Variants in HSDL2 observed in about 807,000 individuals in gnomAD.
HSDL2 encodes the protein hydroxysteroid dehydrogenase like 2.
A neutral mutation model predicts 46.3 loss-of-function variants in HSDL2; 27 were observed. That is an observed-to-expected ratio of 0.58 (90% confidence interval 0.43 to 0.80). The LOEUF (loss-of-function observed/expected upper bound fraction) is 0.80, where lower values mean the gene tolerates loss of function less well. Ranked by LOEUF, HSDL2 falls within the 30% of genes least tolerant of loss-of-function variation. The pLI, the probability that HSDL2 is intolerant of heterozygous loss-of-function variation, is 0.00. For missense variants in HSDL2, 451 were observed against 502.7 expected (o/e 0.90, Z 0.98); for synonymous variants, 153 against 163.6 (o/e 0.94, Z 0.50).
intron 4 of HSDL2, among the ~76,000 whole-genome samples, chr9:112,413,513 AG>A (rs1831925983): frequency 2.2e-5 from 3 of 138,830 alleles, no homozygotes; most frequent in African/African-American, 7.9e-5. Flanking sequence ...AGAAAAGAAA[AG>A]AAATATTTCT....
At chr9:112,433,550 G>A (rs1832454243) in intron 6 of HSDL2, among the ~76,000 whole-genome samples, 1 of 152,202 alleles carries the variant, frequency 6.6e-6, no homozygotes, top group Admixed American at 6.5e-5. Flanking sequence ...GGTTTAGGAA[G>A]TTTAATCTGG....
intron 1 of HSDL2, among the ~76,000 whole-genome samples, chr9:112,389,292 G>C (rs1282640110): frequency 6.6e-6 from 1 of 152,144 alleles, no homozygotes; most frequent in East Asian, 1.9e-4. Flanking sequence ...AAATTGCTGG[G>C]ATTATAGGCA....
intron 4 of HSDL2, among the ~76,000 whole-genome samples, chr9:112,416,123 G>C (rs1831985515): frequency 6.7e-6 from 1 of 148,370 alleles, no homozygotes; most frequent in South Asian, 2.1e-4. Flanking sequence ...AAAAAAAAGT[G>C]GATTGGCCCG....
chr9:112,443,096 T>G (rs1329116690), intron 8 of HSDL2, among the ~76,000 whole-genome samples: 2 of 152,164 alleles, frequency 1.3e-5, no homozygotes, highest in African/African-American at 4.8e-5. Flanking sequence ...CTAGAGAGCT[T>G]ATCAAACTCT....
intron 6 of HSDL2, among the ~76,000 whole-genome samples, chr9:112,425,652 T>C (rs1394169088): frequency 6.6e-6 from 1 of 152,232 alleles, no homozygotes; most frequent in East Asian, 1.9e-4. Context: ...AATTTTCTTA[T>C]TAGCATACTT....
At chr9:112,458,707 C>T (rs1205581682) in intron 9 of HSDL2, among the ~76,000 whole-genome samples, 1 of 152,010 alleles carries the variant, frequency 6.6e-6, no homozygotes, top group East Asian at 1.9e-4. Flanking sequence ...ACCTGCCGGG[C>T]ACGGTATCTC....
chr9:112,398,598 G>A (rs1831516069), intron 1 of HSDL2, among the ~76,000 whole-genome samples: 1 of 152,012 alleles, frequency 6.6e-6, no homozygotes, highest in Non-Finnish European at 1.5e-5. Flanking sequence ...AACGGGAGAG[G>A]AAACCTGAGG....
intron 5 of HSDL2, among the ~76,000 whole-genome samples, chr9:112,417,290 A>G (rs1229792002): frequency 6.6e-6 from 1 of 152,104 alleles, no homozygotes; most frequent in African/African-American, 2.4e-5. Context: ...TAATTTATTC[A>G]TCTATAAAGT....
At position 112,405,687 on chromosome 9, in the gene HSDL2, G is replaced by C; in HGVS notation, c.245G>C (p.Ser82Thr). 6.2e-7 allele frequency: 1 copy of C among 1,612,778 alleles called. No homozygotes were observed. Among genetic ancestry groups the C allele is most frequent in the Non-Finnish European group, 8.5e-7 (1 of 1,179,292 alleles). Residue 82 changes from serine (S) to threonine (T), a missense_variant, in exon 3 of 11, where the codon AGT becomes ACT. By Grantham distance (58) the Ser-to-Thr change is moderately conservative. Coordinates refer to ENST00000398805, the MANE Select transcript of HSDL2 (RefSeq NM_032303.5). Reference protein sequence around the residue: ...IVDVRDEQQISAAVEKAIKKF... With the variant: ...IVDVRDEQQITAAVEKAIKKF... Reference sequence around the variant, plus strand: ...GATGTGAGAGATGAACAGCAGATCAGTGCTGCAGTGGAGAAAGCCATCAAG... The same window carrying C: ...GATGTGAGAGATGAACAGCAGATCACTGCTGCAGTGGAGAAAGCCATCAAG...
rs1311383208 is a variant in HSDL2 at position 112,408,053 on chromosome 9, AAAAC to A, written c.281-850_281-847del. 4.6e-5 allele frequency among the ~76,000 whole-genome samples: 7 copies of A among 152,292 alleles called. No individual in the cohort carries two copies. In the East Asian group the frequency reaches 1.3e-3, roughly 29 times the overall value. On this transcript the variant is annotated intron_variant, in intron 3 of 10. Coordinates refer to ENST00000398805, the MANE Select transcript of HSDL2 (RefSeq NM_032303.5). ...TTTTTGTGTGTGTGTATGAGTCACT[AAAAC>A]AAAATTGATCCACTTTGATGATCTG... is the stretch of plus-strand genomic sequence containing the variant.
intron 6 of HSDL2, among the ~76,000 whole-genome samples, chr9:112,421,664 G>A (rs1271663441): frequency 3.3e-5 from 5 of 152,224 alleles, no homozygotes; most frequent in East Asian, 1.9e-4. Flanking sequence ...GCCTCCCAAA[G>A]TGCTGGGATT....
chr9:112,459,048 T>A (rs1458485950), intron 9 of HSDL2, among the ~76,000 whole-genome samples: 1 of 152,074 alleles, frequency 6.6e-6, no homozygotes, highest in East Asian at 1.9e-4. Flanking sequence ...ATCATCACCA[T>A]CTATCTCCAG....
In HSDL2 at chr9:112,470,628, C is replaced by A. The variant is rs1833551108; in HGVS notation, c.*84C>A. On this transcript the variant is annotated 3_prime_UTR_variant, in exon 11 of 11. Transcript: ENST00000398805. Reference sequence around the variant, plus strand: ...TTAAAATCTAATGTTTGTTTTCTTTCCTGTTATATTATAAGGATATGCACG... The same window carrying A: ...TTAAAATCTAATGTTTGTTTTCTTTACTGTTATATTATAAGGATATGCACG... 1 of 731,526 alleles carries A rather than the reference C, an allele frequency of 1.4e-6. No homozygotes were observed. The highest frequency in any genetic ancestry group is 2.8e-5 in the East Asian group (1 of 36,274). 45.3% of individuals were successfully genotyped at this position (731,526 alleles called of 1,614,324 possible).
chr9:112,381,656 T>G (rs1458978315), intron 1 of HSDL2, among the ~76,000 whole-genome samples: 1 of 152,064 alleles, frequency 6.6e-6, no homozygotes, highest in African/African-American at 2.4e-5. Context: ...GCCTGGCCCC[T>G]CCTCCTTTTT....
chr9:112,392,949 C>T (rs1214349783), intron 1 of HSDL2, among the ~76,000 whole-genome samples: 2 of 152,176 alleles, frequency 1.3e-5, no homozygotes, highest in Non-Finnish European at 2.9e-5. Flanking sequence ...GCCATGGTTC[C>T]AACTGTTCCC....
rs140696939 is a variant in HSDL2, at chr9:112,387,953, A to G, written c.17+7773A>G. Among the ~76,000 whole-genome samples, 988 of 152,092 alleles carry G rather than the reference A, an allele frequency of 6.5e-3. 13 individuals are homozygous for G. The highest frequency in any genetic ancestry group is 0.022 in the African/African-American group (905 of 41,476). Reference sequence around the variant, plus strand: ...GCAGGAGAATCGCTTGAGCCCAAGCATTCAAGACCAGGCTGGCCAACATGG... The same window carrying G: ...GCAGGAGAATCGCTTGAGCCCAAGCGTTCAAGACCAGGCTGGCCAACATGG... On this transcript the variant is annotated intron_variant, in intron 1 of 10. Transcript: ENST00000398805.
In HSDL2 at chr9:112,453,093, A is replaced by G. The variant is rs565137001; in HGVS notation, c.866-920A>G. Among the ~76,000 whole-genome samples, 199 of 152,276 alleles carry G rather than the reference A, an allele frequency of 1.3e-3. 1 individual carries two copies. The highest frequency in any genetic ancestry group is 4.4e-3 in the African/African-American group (181 of 41,558). On this transcript the variant is annotated intron_variant, in intron 8 of 10. Coordinates refer to ENST00000398805, the MANE Select transcript of HSDL2 (RefSeq NM_032303.5). ...GAGCAGGCTGTCCTCAGTTTTTTAC[A>G]TGATCTCTACTTAAGAGCATTTCTA... is the stretch of plus-strand genomic sequence containing the variant.
At chr9:112,453,919 A>C in intron 8 of HSDL2, 94 bp from the exon 9 acceptor site, 3 of 1,235,758 alleles carry the variant, frequency 2.4e-6, no homozygotes, top group Non-Finnish European at 3.3e-6. Flanking sequence ...AATAGGTCTA[A>C]TTGGTGGCAA....
At chr9:112,466,779 A>G (rs1417019354) in intron 10 of HSDL2, among the ~76,000 whole-genome samples, 1 of 152,150 alleles carries the variant, frequency 6.6e-6, no homozygotes, top group Admixed American at 6.5e-5. Flanking sequence ...CTTTATACCT[A>G]TATTTTCTTC....
Sources: allele counts gnomAD v4.1 joint callset (sites outside exome capture counted in the v4.1 genomes callset), GRCh38; gene constraint gnomAD v4.1.1; transcripts MANE v1.5; gene names NCBI Gene and HGNC (gene_info 2026-07-23, HGNC 2026-07-21).